The following PRKN variants were observed in gnomAD, a reference collection of about 807,000 sequenced individuals.
The protein encoded by PRKN is E3 ubiquitin-protein ligase parkin.
PRKN carries 56 observed loss-of-function variants against 59.5 expected under a neutral mutation model. The ratio of observed to expected loss-of-function variants is 0.94; its 90% CI spans 0.76 to 1.18. The LOEUF is 1.18. Ranked by LOEUF, PRKN falls within the 50% of genes most tolerant of loss-of-function variation. The pLI is 0.00. For synonymous variants in PRKN, 250 were observed against 222.1 expected, an observed-to-expected ratio of 1.13 and a Z score of -1.12; for missense variants, 657 against 596.4, an observed-to-expected ratio of 1.10 and a Z score of -1.06.
intron 9 of PRKN, among the ~76,000 whole-genome samples, chr6:161,537,786 G>A (rs995001458): frequency 1.3e-5 from 2 of 152,208 alleles, no homozygotes; most frequent in Admixed American, 6.5e-5. Flanking sequence ...GCTTGCATTT[G>A]ATAATGTGTG....
At chr6:162,576,867 A>G (rs1010275888) in intron 1 of PRKN, among the ~76,000 whole-genome samples, 5 of 151,786 alleles carry the variant, frequency 3.3e-5, no homozygotes, top group African/African-American at 1.2e-4. Context: ...ATAAAAGACG[A>G]ATTGAGAGCG....
At chr6:161,512,699 C>A (rs567167779) in intron 9 of PRKN, among the ~76,000 whole-genome samples, 2 of 152,156 alleles carry the variant, frequency 1.3e-5, no homozygotes, top group Non-Finnish European at 2.9e-5. Flanking sequence ...TTGTTCTACA[C>A]GAGGAGAAAA....
intron 7 of PRKN, among the ~76,000 whole-genome samples, chr6:161,658,030 A>AAAAAAAAAG (rs781518268): frequency 6.9e-3 from 725 of 104,530 alleles, no homozygotes; most frequent in East Asian, 0.012. Context: ...AAAAAAAAAA[A>AAAAAAAAAG]AAAAGAAAAG....
intron 6 of PRKN, among the ~76,000 whole-genome samples, chr6:161,844,253 C>A (rs1793108044): frequency 5.3e-5 from 8 of 152,110 alleles, no homozygotes; most frequent in Admixed American, 5.2e-4. Context: ...TGGCAATGAC[C>A]CTTTCCCTTT....
intron 6 of PRKN, among the ~76,000 whole-genome samples, chr6:161,897,884 G>T (rs556963902): frequency 1.4e-5 from 2 of 142,808 alleles, no homozygotes; most frequent in South Asian, 2.3e-4. Flanking sequence ...GGAGAATGGC[G>T]TGAACCCGGG....
intron 4 of PRKN, among the ~76,000 whole-genome samples, chr6:162,165,405 T>C (rs1051971121): frequency 2.0e-5 from 3 of 149,128 alleles, no homozygotes; most frequent in South Asian, 2.1e-4. Flanking sequence ...TTCCAAAACA[T>C]ACACCTGATA....
intron 2 of PRKN, among the ~76,000 whole-genome samples, chr6:162,361,853 C>T (rs981487202): frequency 6.6e-6 from 1 of 152,098 alleles, no homozygotes; most frequent in Admixed American, 6.6e-5. Context: ...CAAAGCAAAC[C>T]TTGAGGCCAT....
At chr6:162,250,937 T>C (rs1779408011) in intron 3 of PRKN, among the ~76,000 whole-genome samples, 1 of 152,176 alleles carries the variant, frequency 6.6e-6, no homozygotes, top group Non-Finnish European at 1.5e-5. Flanking sequence ...AAGTCTTCAA[T>C]AACTTTTTTG....
Position 162,418,613 on chromosome 6 carries a change from AGTGT to A in PRKN, c.171+24693_171+24696del, listed in dbSNP as rs140621171. ...AAGTGATGAAGAGAGAGGGACAGACAGTGTGTGTGTGTGTGTGTGTGTGTGTGTG... is the reference window on the plus strand; with the variant it reads ...AAGTGATGAAGAGAGAGGGACAGACAGTGTGTGTGTGTGTGTGTGTGTGTG... On this transcript the variant is annotated intron_variant, in intron 2 of 11. Transcript: ENST00000366898. 6.5e-3 allele frequency among the ~76,000 whole-genome samples: 825 copies of A among 126,380 alleles called. 8 individuals are homozygous for A. Among genetic ancestry groups the A allele is most frequent in the African/African-American group, 0.019 (589 of 31,604 alleles). 82.9% of individuals were successfully genotyped at this position (126,380 alleles called of 152,430 possible). A position where few individuals can be genotyped will look rare whatever the true frequency, so the allele number is the denominator to read the frequency against.
intron 4 of PRKN, among the ~76,000 whole-genome samples, chr6:162,098,332 G>A (rs1021318119): frequency 6.6e-6 from 1 of 152,120 alleles, no homozygotes. Context: ...CTGGGAGTGG[G>A]CATACCATGA....
intron 1 of PRKN, among the ~76,000 whole-genome samples, chr6:162,479,933 C>A (rs371526236): frequency 2.6e-5 from 4 of 151,838 alleles, no homozygotes; most frequent in Non-Finnish European, 4.4e-5. Context: ...GGCGTGGTGG[C>A]GCATGCCTGT....
At chr6:162,369,806 C>A (rs183578145) in intron 2 of PRKN, among the ~76,000 whole-genome samples, 44 of 152,182 alleles carry the variant, frequency 2.9e-4, no homozygotes, top group Admixed American at 5.2e-4. Flanking sequence ...CCTACAAAGC[C>A]CGTCTACATT....
chr6:162,107,178 T>G (rs749272450), intron 4 of PRKN, among the ~76,000 whole-genome samples: 1 of 152,078 alleles, frequency 6.6e-6, no homozygotes, highest in African/African-American at 2.4e-5. Context: ...AAATAAAAGG[T>G]TGAAGGCCGG....
At chr6:162,429,901 CG>C (rs1789426567) in intron 2 of PRKN, among the ~76,000 whole-genome samples, 2 of 152,180 alleles carry the variant, frequency 1.3e-5, no homozygotes, top group Non-Finnish European at 2.9e-5. Context: ...ATCCTCTTCC[CG>C]GTATCACCTT....
intron 10 of PRKN, among the ~76,000 whole-genome samples, chr6:161,375,812 C>T (rs573775141): frequency 3.3e-5 from 5 of 152,262 alleles, no homozygotes; most frequent in South Asian, 4.1e-4. Context: ...AGCGCAAGGC[C>T]GAGCCCGAAC....
At chr6:161,954,010 G>A (rs1274079181) in intron 6 of PRKN, among the ~76,000 whole-genome samples, 1 of 151,984 alleles carries the variant, frequency 6.6e-6, no homozygotes, top group African/African-American at 2.4e-5. Context: ...GTGAGGACTG[G>A]GACACTAATA....
In PRKN at chr6:161,351,308, TA is replaced by T. The variant is rs1211651103; in HGVS notation, c.1286-1098del. On this transcript the variant is annotated intron_variant, in intron 11 of 11. Coordinates refer to ENST00000366898, the MANE Select transcript of PRKN (RefSeq NM_004562.3). Reference sequence around the variant, plus strand: ...TCATAAAACAGGAACTGGGATAGCATATTGTAATTATTATTATTTCTATTTT... The same window carrying T: ...TCATAAAACAGGAACTGGGATAGCATTTGTAATTATTATTATTTCTATTTT... Among the ~76,000 whole-genome samples, 4 of 150,674 alleles carry T rather than the reference TA, an allele frequency of 2.7e-5. No homozygotes were observed. In the East Asian group the frequency reaches 7.7e-4, roughly 29 times the overall value.
At chr6:162,101,528 C>T (rs112262253) in intron 4 of PRKN, among the ~76,000 whole-genome samples, 1 of 151,678 alleles carries the variant, frequency 6.6e-6, no homozygotes, top group Non-Finnish European at 1.5e-5. Flanking sequence ...AAAAATTAGC[C>T]GGGCGTGGTG....
rs1779317238 is a variant in PRKN at position 161,533,948 on chromosome 6, G to A, written c.1083+14906C>T. 6.6e-6 allele frequency among the ~76,000 whole-genome samples: 1 copy of A among 151,978 alleles called. No homozygotes were observed. Among genetic ancestry groups the A allele is most frequent in the Admixed American group, 6.6e-5 (1 of 15,256 alleles). On this transcript the variant is annotated intron_variant, in intron 9 of 11. Transcript: ENST00000366898. This position sits in a 1 kb window ranked among gnomAD's most constrained non-coding sequence, Gnocchi z 4.1. ...AAGGCTGTATATTCACACGACACTC[G>A]CCGTCACAGTGGTCTCTGTGACTTC...
Sources: allele counts gnomAD v4.1 joint callset (sites outside exome capture counted in the v4.1 genomes callset), GRCh38; gene constraint gnomAD v4.1.1; non-coding constraint Gnocchi (gnomAD v3.1); transcripts MANE v1.5; gene names NCBI Gene and HGNC (gene_info 2026-07-23, HGNC 2026-07-21).